The following BCAS3 variants were observed in gnomAD, a reference collection of about 807,000 sequenced individuals.
BCAS3 encodes the protein BCAS4/BCAS3 fusion.
A neutral mutation model predicts 116.1 loss-of-function variants in BCAS3; 53 were observed. The observed-to-expected ratio is 0.46, with a 90% CI of 0.37 to 0.57. The LOEUF (loss-of-function observed/expected upper bound fraction) is 0.57. Among genes scored for constraint, BCAS3 ranks in the 20% least tolerant of loss-of-function variants. The pLI is 0.00. For synonymous variants in BCAS3, 391 were observed against 408.2 expected, an observed-to-expected ratio of 0.96 and a Z score of 0.51; for missense variants, 917 against 1,165.4, an observed-to-expected ratio of 0.79 and a Z score of 3.10.
Position 61,072,354 on chromosome 17 carries a change from T to C in BCAS3, c.2030-2566T>C, listed in dbSNP as rs111487975. On this transcript the variant is annotated intron_variant, in intron 19 of 23. Transcript: ENST00000407086. ...TCATCTGTAATTCTACCTCCCACCT[T>C]CATCCCTGCACTGGGTTATTTTGAA... Among the ~76,000 whole-genome samples, 664 of 152,258 alleles carry C rather than the reference T, an allele frequency of 4.4e-3. 6 individuals carry two copies. Among genetic ancestry groups the C allele is most frequent in the African/African-American group, 0.015 (615 of 41,568 alleles).
chr17:60,860,014 T>G (rs2054024831), intron 7 of BCAS3, among the ~76,000 whole-genome samples: 1 of 152,178 alleles, frequency 6.6e-6, no homozygotes, highest in African/African-American at 2.4e-5. Context: ...TGGATATATA[T>G]CCAATAATGG....
In BCAS3 at chr17:61,281,783, A is replaced by G. The variant is rs1385147282; in HGVS notation, c.2426-86544A>G. Among the ~76,000 whole-genome samples the G allele has an allele frequency of 1.3e-5, 2 of 152,050 alleles. No individual in the cohort carries two copies. On this transcript the variant is annotated intron_variant, in intron 22 of 23. Coordinates refer to ENST00000407086, the MANE Select transcript of BCAS3 (RefSeq NM_017679.5). This position sits in a 1 kb window ranked among gnomAD's most constrained non-coding sequence, Gnocchi z 4.2. ...CAGTATCTTTGCCATACAAATTTTA[A>G]ATTTTATGTGTTTATCAATAATTTC...
intron 6 of BCAS3, among the ~76,000 whole-genome samples, chr17:60,764,705 A>G (rs1400951196): frequency 2.0e-5 from 3 of 152,184 alleles, no homozygotes; most frequent in Admixed American, 6.5e-5. Flanking sequence ...GTAGATGTCT[A>G]TTAGGTCTGC....
Position 61,140,912 on chromosome 17 carries a change from A to G in BCAS3, c.2425+56348A>G, listed in dbSNP as rs951009832. ...GAAAAATGTTAAGTAAGGAAAAAGC[A>G]TGCCTCCCTGTGCTCTTTGTCCATT... On this transcript the variant is annotated intron_variant, in intron 22 of 23. Coordinates refer to ENST00000407086, the MANE Select transcript of BCAS3 (RefSeq NM_017679.5). The surrounding 1 kb of genome is among the most constrained non-coding windows in gnomAD (Gnocchi z 4.2). Among the ~76,000 whole-genome samples the G allele has an allele frequency of 6.6e-6, 1 of 151,904 alleles. No homozygotes were observed. The highest frequency in any genetic ancestry group is 1.5e-5 in the Non-Finnish European group (1 of 67,968).
At chr17:61,078,077 G>A (rs2072199270) in intron 20 of BCAS3, among the ~76,000 whole-genome samples, 1 of 152,170 alleles carries the variant, frequency 6.6e-6, no homozygotes, top group Admixed American at 6.5e-5. Flanking sequence ...TGTGAGGTGT[G>A]CATGTGTGTC....
At chr17:60,863,370 A>T (rs979017135) in intron 7 of BCAS3, among the ~76,000 whole-genome samples, 2 of 152,138 alleles carry the variant, frequency 1.3e-5, no homozygotes, top group African/African-American at 2.4e-5. Flanking sequence ...TATATAGTGT[A>T]GGTTCAGTTC....
At chr17:61,319,552 T>C (rs1374298450) in intron 22 of BCAS3, among the ~76,000 whole-genome samples, 2 of 151,890 alleles carry the variant, frequency 1.3e-5, no homozygotes, top group African/African-American at 4.8e-5. Context: ...TTGCTTGATA[T>C]GCTATAGAGG....
chr17:61,110,536 G>C (rs969070032), intron 22 of BCAS3, among the ~76,000 whole-genome samples: 1 of 151,734 alleles, frequency 6.6e-6, no homozygotes, highest in Non-Finnish European at 1.5e-5. Context: ...TTTTCGGACC[G>C]GCTTAAAAAA....
At chr17:60,762,251 G>A (rs549176227) in intron 6 of BCAS3, among the ~76,000 whole-genome samples, 1 of 152,156 alleles carries the variant, frequency 6.6e-6, no homozygotes, top group Non-Finnish European at 1.5e-5. Context: ...TGCTTTTGGT[G>A]TTTTAGTCAT....
chr17:61,123,718 A>G (rs2075912141), intron 22 of BCAS3, among the ~76,000 whole-genome samples: 1 of 152,104 alleles, frequency 6.6e-6, no homozygotes. Context: ...TAATCTGCCC[A>G]GTATTAATAG....
intron 5 of BCAS3, among the ~76,000 whole-genome samples, chr17:60,724,702 A>G (rs1245057467): frequency 6.6e-6 from 1 of 151,656 alleles, no homozygotes; most frequent in East Asian, 1.9e-4. Flanking sequence ...TAGCCTGACA[A>G]CAGAGTGAGA....
chr17:60,794,815 A>G (rs569347470), intron 6 of BCAS3, among the ~76,000 whole-genome samples: 4 of 152,134 alleles, frequency 2.6e-5, no homozygotes, highest in African/African-American at 4.8e-5. Context: ...GCCTTAGAAT[A>G]TGGTTTGAAA....
chr17:61,343,658 C>A lies in BCAS3; in HGVS notation c.2426-24669C>A, dbSNP rs1470217945. ...AGGCAACAGACATCCCACTGCCGTTCCTCTGCCACCTCTGAGTGTGATCAG... is the reference window on the plus strand; with the variant it reads ...AGGCAACAGACATCCCACTGCCGTTACTCTGCCACCTCTGAGTGTGATCAG... On this transcript the variant is annotated intron_variant, in intron 22 of 23. Coordinates refer to ENST00000407086, the MANE Select transcript of BCAS3 (RefSeq NM_017679.5). The surrounding 1 kb of genome is among the most constrained non-coding windows in gnomAD (Gnocchi z 5.5). Among the ~76,000 whole-genome samples the A allele has an allele frequency of 6.6e-6, 1 of 152,208 alleles. No individual in the cohort carries two copies. Among genetic ancestry groups the A allele is most frequent in the East Asian group, 1.9e-4 (1 of 5,186 alleles).
chr17:60,967,587 GA>G lies in BCAS3; in HGVS notation c.1221+20238del, dbSNP rs1181353809. On this transcript the variant is annotated intron_variant, in intron 14 of 23. Coordinates refer to ENST00000407086, the MANE Select transcript of BCAS3 (RefSeq NM_017679.5). This position sits in a 1 kb window ranked among gnomAD's most constrained non-coding sequence, Gnocchi z 4.7. ...ATATTTATATCTTTCTTAAGTTTTA[GA>G]AAGTTTTCCATTATTATTTCTTTGG... 2.0e-5 allele frequency among the ~76,000 whole-genome samples: 3 copies of G among 152,030 alleles called. No individual in the cohort carries two copies. The highest frequency in any genetic ancestry group is 7.3e-5 in the African/African-American group (3 of 41,376).
At chr17:60,892,312 A>ATTTT (rs146241613) in intron 10 of BCAS3, among the ~76,000 whole-genome samples, 1 of 126,804 alleles carries the variant, frequency 7.9e-6, no homozygotes, top group African/African-American at 2.8e-5. Context: ...TTTTTGACTT[A>ATTTT]TTTTTTTTTT....
At chr17:61,296,403 A>G (rs2052911348) in intron 22 of BCAS3, among the ~76,000 whole-genome samples, 1 of 152,198 alleles carries the variant, frequency 6.6e-6, no homozygotes, top group Non-Finnish European at 1.5e-5. Flanking sequence ...CAAGGCAGGC[A>G]GTAATAATAT....
At chr17:60,734,954 G>T (rs2040822004) in intron 5 of BCAS3, among the ~76,000 whole-genome samples, 1 of 152,150 alleles carries the variant, frequency 6.6e-6, no homozygotes, top group South Asian at 2.1e-4. Flanking sequence ...TCCTATCCAT[G>T]AATATGGAAT....
chr17:61,055,389 A>G (rs1266490356), intron 19 of BCAS3, among the ~76,000 whole-genome samples: 1 of 152,204 alleles, frequency 6.6e-6, no homozygotes. Context: ...AGCCTTCTCT[A>G]TAGAATTTCT....
chr17:61,135,787 T>C (rs1705665751), intron 22 of BCAS3: 1 of 152,268 alleles, frequency 6.6e-6, no homozygotes, highest in Non-Finnish European at 1.5e-5. Context: ...TGTTCACTTA[T>C]GTATTATCTA....
Sources: gnomAD v4.1 joint callset for allele counts (sites outside exome capture counted in the v4.1 genomes callset) on GRCh38, gnomAD v4.1.1 for gene constraint, Gnocchi (gnomAD v3.1) non-coding constraint, MANE v1.5 for transcripts, NCBI Gene and HGNC (gene_info 2026-07-23, HGNC 2026-07-21) for gene names.